Variants in SUPT3H observed in about 807,000 individuals in gnomAD.
SUPT3H encodes the protein transcription initiation protein SPT3 homolog.
SUPT3H carries 44 observed loss-of-function variants against 44.3 expected under a neutral mutation model. That is an observed-to-expected ratio of 0.99 (90% CI 0.78 to 1.28). The LOEUF (loss-of-function observed/expected upper bound fraction) is 1.28, where lower values mean the gene tolerates loss of function less well. SUPT3H is among the 50% of genes most tolerant of loss of function. The probability of loss-of-function intolerance (pLI) is 0.00; values close to 1 mark genes in which losing one functional copy is unlikely to be tolerated. For missense variants in SUPT3H, 380 were observed against 387.1 expected (o/e 0.98, Z 0.15); for synonymous variants, 124 against 125.6 (o/e 0.99, Z 0.09).
intron 2 of SUPT3H, among the ~76,000 whole-genome samples, chr6:45,205,082 A>C (rs1378439926): frequency 2.0e-5 from 3 of 152,226 alleles, no homozygotes; most frequent in Admixed American, 1.3e-4. Flanking sequence ...ACTGTACTAT[A>C]AAGCAAAACC....
intron 9 of SUPT3H, among the ~76,000 whole-genome samples, chr6:44,949,735 C>T (rs942648619): frequency 1.4e-4 from 22 of 152,020 alleles, no homozygotes; most frequent in Admixed American, 1.3e-4. Flanking sequence ...CACACTTAAA[C>T]TGTTATCAGA....
chr6:45,209,777 C>T (rs1420855403), intron 2 of SUPT3H, among the ~76,000 whole-genome samples: 1 of 152,182 alleles, frequency 6.6e-6, no homozygotes, highest in Non-Finnish European at 1.5e-5. Flanking sequence ...GGGTAAAATG[C>T]TATTAAAGAG....
chr6:45,342,001 TA>T (rs888739840), intron 2 of SUPT3H, among the ~76,000 whole-genome samples: 5 of 149,732 alleles, frequency 3.3e-5, no homozygotes, highest in African/African-American at 7.3e-5. Context: ...AACCTAGCAT[TA>T]AAAAAAAACG....
intron 8 of SUPT3H, among the ~76,000 whole-genome samples, chr6:44,953,922 G>A (rs1445245356): frequency 1.3e-5 from 2 of 152,012 alleles, no homozygotes; most frequent in Admixed American, 1.3e-4. Flanking sequence ...ATTATTAGTA[G>A]AGATGTGGTT....
chr6:45,256,807 A>ATTTTGCT (rs1450088328), intron 2 of SUPT3H, among the ~76,000 whole-genome samples: 1 of 152,190 alleles, frequency 6.6e-6, no homozygotes, highest in Non-Finnish European at 1.5e-5. Context: ...TGTTATGTGG[A>ATTTTGCT]TATACCACAT....
At chr6:45,162,348 A>G (rs956660586) in intron 2 of SUPT3H, among the ~76,000 whole-genome samples, 1 of 152,032 alleles carries the variant, frequency 6.6e-6, no homozygotes, top group Non-Finnish European at 1.5e-5. Context: ...ACATAGCAAG[A>G]TCCCTTCTCT....
chr6:44,953,227 C>A (rs1049840333), intron 9 of SUPT3H, 83 bp downstream of exon 9: 37 of 1,046,870 alleles, frequency 3.5e-5, no homozygotes, highest in African/African-American at 9.4e-5. Context: ...CCTGCATAAT[C>A]TTTATTAAAG....
chr6:45,291,016 C>T (rs963016604), intron 2 of SUPT3H, among the ~76,000 whole-genome samples: 2 of 152,058 alleles, frequency 1.3e-5, no homozygotes, highest in African/African-American at 4.8e-5. Flanking sequence ...CTGAAAGGAC[C>T]CACAGACCCC....
chr6:45,079,742 C>G (rs1795532814), intron 3 of SUPT3H, among the ~76,000 whole-genome samples: 1 of 152,092 alleles, frequency 6.6e-6, no homozygotes, highest in Non-Finnish European at 1.5e-5. Context: ...AATTGGATAT[C>G]CATATGCAGA....
chr6:45,106,736 A>T (rs548016805), intron 2 of SUPT3H, among the ~76,000 whole-genome samples: 1 of 152,172 alleles, frequency 6.6e-6, no homozygotes, highest in Non-Finnish European at 1.5e-5. Context: ...GGGTTTCACC[A>T]TGTTAGCCAG....
intron 2 of SUPT3H, among the ~76,000 whole-genome samples, chr6:45,227,237 T>A (rs1274763615): frequency 2.6e-5 from 4 of 151,690 alleles, no homozygotes; most frequent in Non-Finnish European, 4.4e-5. Flanking sequence ...AATATGTTTA[T>A]AAGAGAAAAA....
chr6:45,168,063 G>A (rs1036335427), intron 2 of SUPT3H, among the ~76,000 whole-genome samples: 3 of 152,086 alleles, frequency 2.0e-5, no homozygotes, highest in East Asian at 3.9e-4. Flanking sequence ...CACCCACCTC[G>A]GCCTCCCAAA....
At chr6:45,165,178 A>G (rs1809642485) in intron 2 of SUPT3H, among the ~76,000 whole-genome samples, 1 of 152,220 alleles carries the variant, frequency 6.6e-6, no homozygotes, top group South Asian at 2.1e-4. Context: ...GTGCAACCCT[A>G]CAGGCACTGA....
rs991257057 is a variant in SUPT3H at position 45,312,231 on chromosome 6, G to A, written c.101+52970C>T. On this transcript the variant is annotated intron_variant, in intron 2 of 10. Transcript: ENST00000371459. ...CAACAGTTAAAAAAGACAAAAGGCCGGGCACAGTGGCTGACACCTGTAATC... is the reference window on the plus strand; with the variant it reads ...CAACAGTTAAAAAAGACAAAAGGCCAGGCACAGTGGCTGACACCTGTAATC... 5.3e-5 allele frequency among the ~76,000 whole-genome samples: 8 copies of A among 152,054 alleles called. No individual in the cohort carries two copies. The South Asian group carries it at 6.2e-4, about 12-fold the overall frequency.
intron 10 of SUPT3H, among the ~76,000 whole-genome samples, chr6:44,903,806 A>G (rs2153449584): frequency 6.6e-6 from 1 of 152,328 alleles, no homozygotes; most frequent in Admixed American, 6.5e-5. Context: ...AACCGAATCC[A>G]GCAGCACATC....
intron 3 of SUPT3H, among the ~76,000 whole-genome samples, chr6:45,096,440 A>G (rs541112666): frequency 6.6e-6 from 1 of 152,306 alleles, no homozygotes; most frequent in East Asian, 1.9e-4. Context: ...AACTTCAGGG[A>G]AAAACAGTCA....
chr6:45,076,781 T>C (rs369336936), intron 3 of SUPT3H, among the ~76,000 whole-genome samples: 1 of 152,122 alleles, frequency 6.6e-6, no homozygotes, highest in African/African-American at 2.4e-5. Flanking sequence ...ATCCAACCTA[T>C]TGTCAAGCCC....
chr6:44,962,158 T>G (rs539005074), intron 6 of SUPT3H, among the ~76,000 whole-genome samples: 2 of 152,252 alleles, frequency 1.3e-5, no homozygotes, highest in Admixed American at 6.5e-5. Context: ...ACAGAAAAAC[T>G]GTTACAAATA....
chr6:45,087,714 G>C (rs1372482847), intron 3 of SUPT3H, among the ~76,000 whole-genome samples: 1 of 151,762 alleles, frequency 6.6e-6, no homozygotes, highest in Non-Finnish European at 1.5e-5. Context: ...GGTCAAGTTT[G>C]GGGGCTTGAG....
Sources: allele counts gnomAD v4.1 joint callset (sites outside exome capture counted in the v4.1 genomes callset), GRCh38; gene constraint gnomAD v4.1.1; transcripts MANE v1.5; gene names NCBI Gene and HGNC (gene_info 2026-07-23, HGNC 2026-07-21).